OR6K3: variants seen among roughly 807,000 people sequenced by gnomAD.
OR6K3 encodes olfactory receptor 6K3.
For missense variants in OR6K3, 396 were observed against 382.5 expected (o/e 1.04, Z -0.29); for synonymous variants, 169 against 137.7 (o/e 1.23, Z -1.59).
rs139396690 is a variant in OR6K3, at chr1:158,717,528, C to T, written c.588G>A (p.Leu196=). 2,291 of 1,613,684 alleles carry T rather than the reference C, an allele frequency of 1.4e-3. 6 individuals carry two copies. The highest frequency in any genetic ancestry group is 8.8e-3 in the Middle Eastern group (53 of 6,052). ...SLACTDTSMI[L]IEDVIHAVTI... ...TCACAGCATGAATCACATCCTCAAT[C>T]AGAATCATGGACGTGTCTGTACAGG... The change falls in exon 2 of 2, where the codon CTG becomes CTA. Residue 196 remains leucine, a synonymous_variant. Transcript: ENST00000368145.
upstream of OR6K3, among the ~76,000 whole-genome samples, chr1:158,723,193 T>C (rs1206329698): frequency 2.0e-5 from 3 of 151,748 alleles, no homozygotes; most frequent in Admixed American, 1.3e-4. Flanking sequence ...AAGAGTAATG[T>C]AGTTCAAATG....
Position 158,717,474 on chromosome 1 carries a change from G to A in OR6K3, c.642C>T (p.Ala214=). The change falls in exon 2 of 2, where the codon GCC becomes GCT. Residue 214 remains alanine, a synonymous_variant. Coordinates refer to ENST00000368145, the MANE Select transcript of OR6K3 (RefSeq NM_001005327.3). ...CAGTGACAATTCTTACATAGGACAG[G>A]GCAATGATTAGGAAGGTAATGATGA... is the stretch of plus-strand genomic sequence containing the variant. ...VTIIITFLII[A]LSYVRIVTVI... 6.2e-7 allele frequency: 1 copy of A among 1,613,730 alleles called. No individual in the cohort carries two copies. Among genetic ancestry groups the A allele is most frequent in the Non-Finnish European group, 8.5e-7 (1 of 1,179,798 alleles).
At position 158,716,585 on chromosome 1, in the gene OR6K3, C is replaced by A. The variant is rs1429873205; in HGVS notation, c.*583G>T. ...GAAGCTCAAGCTCTGTAGTTCTAAC[C>A]CTCTAAAGTGGCAAACAAATTTTCT... On this transcript the variant is annotated 3_prime_UTR_variant, in exon 2 of 2. Transcript: ENST00000368145. 1 of 152,596 alleles carries A rather than the reference C, an allele frequency of 6.6e-6. No individual in the cohort carries two copies. The highest frequency in any genetic ancestry group is 1.5e-5 in the Non-Finnish European group (1 of 68,432). The allele number at this position is 152,596 out of a possible 1,614,324, so 9.5% of individuals were successfully genotyped here. A position where few individuals can be genotyped will look rare whatever the true frequency, so the allele number is the denominator to read the frequency against.
At chr1:158,721,212 A>C (rs1322115190), upstream of OR6K3, among the ~76,000 whole-genome samples, 1 of 152,010 alleles carries the variant, frequency 6.6e-6, no homozygotes, top group Admixed American at 6.6e-5. Context: ...CCAATACTGA[A>C]GAAAGTGAGG....
upstream of OR6K3, among the ~76,000 whole-genome samples, chr1:158,721,065 G>A (rs952549431): frequency 6.6e-6 from 1 of 151,978 alleles, no homozygotes; most frequent in South Asian, 2.1e-4. Context: ...GTTTTGACAT[G>A]ATCCTGGCCT....
upstream of OR6K3, among the ~76,000 whole-genome samples, chr1:158,723,427 C>T (rs449694): frequency 0.62 from 93,350 of 151,762 alleles, 28,877 homozygotes; most frequent in African/African-American, 0.65. Flanking sequence ...TATTCCTAAG[C>T]ATGAGTTTTT....
chr1:158,724,520 A>G, upstream of OR6K3: 1 of 258,022 alleles, frequency 3.9e-6, no homozygotes, highest in East Asian at 1.0e-4. Context: ...ACAGGTTCAA[A>G]ATCACAGAAG....
At chr1:158,720,080 A>T (rs1048102671) in intron 1 of OR6K3, among the ~76,000 whole-genome samples, 23 of 152,038 alleles carry the variant, frequency 1.5e-4, no homozygotes, top group Admixed American at 1.1e-3. Flanking sequence ...TGCCTCTACC[A>T]ATACATGTAA....
rs558688764 is a variant in OR6K3, at chr1:158,716,618, C to T, written c.*550G>A. On this transcript the variant is annotated 3_prime_UTR_variant, in exon 2 of 2. Transcript: ENST00000368145. The stretch of plus-strand genomic sequence containing the variant: ...GTGGCAAACAAATTTTCTTTAACCA[C>T]AGCATTTCAGAAGAAAGAAACTACA... 2.0e-5 allele frequency: 3 copies of T among 152,928 alleles called. No homozygotes were observed. The highest frequency in any genetic ancestry group is 4.8e-5 in the African/African-American group (2 of 41,574). The allele number at this position is 152,928 out of a possible 1,614,324, so 9.5% of individuals were successfully genotyped here.
intron 1 of OR6K3, 135 bp downstream of exon 1, chr1:158,720,548 C>T (rs1656261423): frequency 6.6e-6 from 1 of 151,916 alleles, no homozygotes; most frequent in African/African-American, 2.4e-5. Context: ...CTGTAAATAC[C>T]TTTGCCTTCC....
At position 158,717,883 on chromosome 1, in the gene OR6K3, A is replaced by G. The variant is rs749817042; in HGVS notation, c.233T>C (p.Ile78Thr). Residue 78 changes from isoleucine (I) to threonine (T), a missense_variant, in exon 2 of 2, where the codon ATT becomes ACT. Physicochemically the swap from Ile to Thr is moderately conservative, Grantham distance 89. Coordinates refer to ENST00000368145, the MANE Select transcript of OR6K3 (RefSeq NM_001005327.3). The stretch of plus-strand genomic sequence containing the variant: ...GATGAGGTTGGAGAGCATCTTGGGA[A>G]TGGTGGCTGTGGTGTACCAGATCTC... ...FLEIWYTTATIPKMLSNLISE... is the reference protein window; with the variant it reads ...FLEIWYTTATTPKMLSNLISE... 1.2e-6 allele frequency: 2 copies of G among 1,613,542 alleles called. No homozygotes were observed. The highest frequency in any genetic ancestry group is 1.7e-6 in the Non-Finnish European group (2 of 1,179,692).
In OR6K3 at chr1:158,717,573, C is replaced by A; in HGVS notation, c.543G>T (p.Leu181Phe). 1 of 1,613,728 alleles carries A rather than the reference C, an allele frequency of 6.2e-7. No homozygotes were observed. Among genetic ancestry groups the A allele is most frequent in the Admixed American group, 1.7e-5 (1 of 59,966 alleles). Residue 181 changes from leucine (L) to phenylalanine (F), a missense_variant, in exon 2 of 2, where the codon TTG (leucine) becomes TTT (phenylalanine). By Grantham distance (22) the Leu-to-Phe change is conservative. Coordinates refer to ENST00000368145, the MANE Select transcript of OR6K3 (RefSeq NM_001005327.3). ...PNQIHQIFCD[L>F]VPVLSLACTD... ...TACAGGCCAGGCTTAGCACAGGGAC[C>A]AAGTCACAGAAGATCTGATGGATTT...
intron 1 of OR6K3, among the ~76,000 whole-genome samples, chr1:158,719,956 C>T (rs1656250692): frequency 6.6e-6 from 1 of 151,952 alleles, no homozygotes; most frequent in African/African-American, 2.4e-5. Flanking sequence ...AAAACTTAGG[C>T]ACAGACAGGT....
chr1:158,723,757 CTTT>C (rs1423398887), upstream of OR6K3, among the ~76,000 whole-genome samples: 1 of 152,022 alleles, frequency 6.6e-6, no homozygotes, highest in East Asian at 1.9e-4. Context: ...AGATCTGATT[CTTT>C]TAACTACTGT....
chr1:158,722,147 C>T (rs1366630431), upstream of OR6K3, among the ~76,000 whole-genome samples: 2 of 151,802 alleles, frequency 1.3e-5, no homozygotes, highest in Non-Finnish European at 1.5e-5. Flanking sequence ...TTAATACAAA[C>T]GGTGTATGGC....
chr1:158,724,039 A>C (rs1656335856), upstream of OR6K3: 1 of 152,334 alleles, frequency 6.6e-6, no homozygotes, highest in Non-Finnish European at 1.5e-5. Context: ...GTGACAATGA[A>C]TGAATTATAT....
chr1:158,720,368 G>A (rs1048300564), intron 1 of OR6K3, among the ~76,000 whole-genome samples: 7 of 151,994 alleles, frequency 4.6e-5, no homozygotes, highest in African/African-American at 1.4e-4. Context: ...CCATGAGTAA[G>A]TGAACAAAGA....
Position 158,717,743 on chromosome 1 carries a change from C to T in OR6K3, c.373G>A (p.Ala125Thr). 6.2e-7 allele frequency: 1 copy of T among 1,613,748 alleles called. No homozygotes were observed. Among genetic ancestry groups the T allele is most frequent in the African/African-American group, 1.3e-5 (1 of 74,956 alleles). The change falls in exon 2 of 2, where the codon GCC becomes ACC. Residue 125 changes from alanine (A) to threonine (T), a missense_variant. Coordinates refer to ENST00000368145, the MANE Select transcript of OR6K3 (RefSeq NM_001005327.3). ...LTTMAIDRYV[A>T]ICNPLRYQMI... The stretch of plus-strand genomic sequence containing the variant: ...TGATAGCGAAGAGGGTTGCAGATGG[C>T]AACGTATCTGTCAATGGCCATGGTG...
At position 158,717,602 on chromosome 1, in the gene OR6K3, T is replaced by C. The variant is rs777177915; in HGVS notation, c.514A>G (p.Asn172Asp). 24 of 1,613,754 alleles carry C rather than the reference T, an allele frequency of 1.5e-5. No individual in the cohort carries two copies. Among genetic ancestry groups the C allele is most frequent in the Non-Finnish European group, 1.9e-5 (23 of 1,179,824 alleles). Residue 172 changes from asparagine to aspartate, a missense_variant, in exon 2 of 2, where the codon AAC becomes GAC. Coordinates refer to ENST00000368145, the MANE Select transcript of OR6K3 (RefSeq NM_001005327.3). Reference sequence around the variant, plus strand: ...TCACAGAAGATCTGATGGATTTGGTTGGGCCCACAGAAAGGCAGTGTGGAA... The same window carrying C: ...TCACAGAAGATCTGATGGATTTGGTCGGGCCCACAGAAAGGCAGTGTGGAA... ...MISTLPFCGP[N>D]QIHQIFCDLV... is the part of the protein sequence containing the mutation.
Sources: allele counts gnomAD v4.1 joint callset (sites outside exome capture counted in the v4.1 genomes callset), GRCh38; gene constraint gnomAD v4.1.1; transcripts MANE v1.5; gene names NCBI Gene and HGNC (gene_info 2026-07-23, HGNC 2026-07-21).